The following FAM117A variants were observed in gnomAD, a reference collection of about 807,000 sequenced individuals.
FAM117A encodes protein FAM117A.
FAM117A carries 21 observed loss-of-function variants against 44.1 expected under a neutral mutation model. The observed-to-expected ratio is 0.48, with a 90% CI of 0.34 to 0.69. The LOEUF (loss-of-function observed/expected upper bound fraction) is 0.69, where lower values mean the gene tolerates loss of function less well. Among genes scored for constraint, FAM117A ranks in the 30% least tolerant of loss-of-function variants. The probability of loss-of-function intolerance (pLI) is 0.01; values close to 1 mark genes in which losing one functional copy is unlikely to be tolerated. For missense variants in FAM117A, 498 were observed against 589.9 expected (o/e 0.84, Z 1.61); for synonymous variants, 220 against 238.3 (o/e 0.92, Z 0.71).
intron 1 of FAM117A, among the ~76,000 whole-genome samples, chr17:49,753,659 TA>T (rs2073686029): frequency 6.6e-6 from 1 of 151,860 alleles, no homozygotes; most frequent in Non-Finnish European, 1.5e-5. Context: ...CTATCACAAA[TA>T]AAAAAATTAG....
intron 3 of FAM117A, among the ~76,000 whole-genome samples, chr17:49,722,252 G>A (rs1033344303): frequency 3.9e-5 from 6 of 152,206 alleles, no homozygotes; most frequent in African/African-American, 1.2e-4. Context: ...CCAGCCCTGT[G>A]CTTGCTGCTG....
At chr17:49,771,787 A>G (rs2073761626) in intron 1 of FAM117A, among the ~76,000 whole-genome samples, 1 of 152,172 alleles carries the variant, frequency 6.6e-6, no homozygotes, top group Admixed American at 6.5e-5. Context: ...CATTCCCAGG[A>G]GACTGTGTAT....
intron 1 of FAM117A, among the ~76,000 whole-genome samples, chr17:49,787,369 T>C (rs150870310): frequency 2.6e-5 from 4 of 152,342 alleles, no homozygotes; most frequent in African/African-American, 9.6e-5. Context: ...TCAAAGGTAT[T>C]TATACTAAGC....
At chr17:49,787,216 G>A (rs75077123) in intron 1 of FAM117A, among the ~76,000 whole-genome samples, 1 of 152,180 alleles carries the variant, frequency 6.6e-6, no homozygotes, top group Non-Finnish European at 1.5e-5. Flanking sequence ...GAACATATCC[G>A]TGAGTGCAAA....
At chr17:49,788,972 C>G, upstream of FAM117A, 1 of 907,128 alleles carries the variant, frequency 1.1e-6, no homozygotes, top group Non-Finnish European at 1.6e-6. Context: ...CCTTGTTCAG[C>G]TACCCTCTCT....
At chr17:49,727,181 A>G (rs1567828375) in intron 2 of FAM117A, among the ~76,000 whole-genome samples, 3 of 151,870 alleles carry the variant, frequency 2.0e-5, no homozygotes, top group South Asian at 4.2e-4. Context: ...TGGGCAGATC[A>G]GATCACTTGA....
chr17:49,758,621 CAAAAAAAA>C (rs1182238605), intron 1 of FAM117A, among the ~76,000 whole-genome samples: 16 of 93,860 alleles, frequency 1.7e-4, no homozygotes, highest in African/African-American at 7.9e-4. Context: ...GAGACTGTCT[CAAAAAAAA>C]AAAAAAATAA....
intron 1 of FAM117A, among the ~76,000 whole-genome samples, chr17:49,754,315 T>C (rs1317001978): frequency 1.3e-5 from 2 of 151,840 alleles, no homozygotes; most frequent in Non-Finnish European, 1.5e-5. Flanking sequence ...ACTCTTTTTT[T>C]TTTTTTCGAG....
rs560266104 is a variant in FAM117A at position 49,760,723 on chromosome 17, A to T, written c.196+3169T>A. Among the ~76,000 whole-genome samples the T allele has an allele frequency of 2.0e-5, 3 of 152,362 alleles. No homozygotes were observed. The South Asian group carries it at 6.2e-4, about 32-fold the overall frequency. On this transcript the variant is annotated intron_variant, in intron 1 of 7. Coordinates refer to ENST00000240364, the MANE Select transcript of FAM117A (RefSeq NM_030802.4). ...ACAGACACGCTAAACAAGATAGGTAAGACTGGAACCCAGAACAATTCACCT... is the reference window on the plus strand; with the variant it reads ...ACAGACACGCTAAACAAGATAGGTATGACTGGAACCCAGAACAATTCACCT...
chr17:49,769,125 G>A (rs949820794), upstream of FAM117A, among the ~76,000 whole-genome samples: 3 of 151,736 alleles, frequency 2.0e-5, no homozygotes, highest in Non-Finnish European at 4.4e-5. Context: ...GTGAAACCCC[G>A]TCTCTACTAA....
intron 1 of FAM117A, among the ~76,000 whole-genome samples, chr17:49,746,584 G>T (rs1262038598): frequency 1.3e-5 from 2 of 152,198 alleles, no homozygotes; most frequent in Non-Finnish European, 2.9e-5. Context: ...GTCATCCCAG[G>T]AGCAAGACCA....
intron 1 of FAM117A, among the ~76,000 whole-genome samples, chr17:49,747,963 G>A (rs551251627): frequency 6.6e-6 from 1 of 152,170 alleles, no homozygotes; most frequent in Non-Finnish European, 1.5e-5. Flanking sequence ...CTTCCAGAAA[G>A]AGTGTTGAAG....
chr17:49,712,145 CAAAAA>C (rs955684128), intron 7 of FAM117A, among the ~76,000 whole-genome samples: 17 of 152,108 alleles, frequency 1.1e-4, no homozygotes, highest in African/African-American at 4.1e-4. Flanking sequence ...GACTCCATCT[CAAAAA>C]GAAAAGAAAA....
At chr17:49,713,716 C>T (rs2073488761) in intron 7 of FAM117A, among the ~76,000 whole-genome samples, 1 of 152,024 alleles carries the variant, frequency 6.6e-6, no homozygotes, top group Admixed American at 6.6e-5. Flanking sequence ...CCTATGTTGC[C>T]CAGGCTGGTC....
chr17:49,755,013 G>A (rs1003849566), intron 1 of FAM117A, among the ~76,000 whole-genome samples: 1 of 147,908 alleles, frequency 6.8e-6, no homozygotes, highest in Non-Finnish European at 1.5e-5. Context: ...ACTCCAGCCT[G>A]GGCAACAAAA....
At chr17:49,714,067 C>T (rs1487519415) in intron 7 of FAM117A, among the ~76,000 whole-genome samples, 3 of 152,048 alleles carry the variant, frequency 2.0e-5, no homozygotes, top group African/African-American at 4.8e-5. Flanking sequence ...TGTGCATGTA[C>T]GTGTTGGGAA....
intron 7 of FAM117A, among the ~76,000 whole-genome samples, chr17:49,715,806 A>G (rs114472042): frequency 1.3e-5 from 2 of 152,010 alleles, no homozygotes; most frequent in East Asian, 3.9e-4. Context: ...CACACCCCCC[A>G]TCTCTCGCTC....
At chr17:49,733,365 CA>C (rs2073594615) in intron 1 of FAM117A, among the ~76,000 whole-genome samples, 1 of 152,104 alleles carries the variant, frequency 6.6e-6, no homozygotes, top group Admixed American at 6.6e-5. Context: ...CTAAATGGGA[CA>C]AAAATAAAGC....
At chr17:49,762,293 T>A (rs2073725229) in intron 1 of FAM117A, among the ~76,000 whole-genome samples, 1 of 152,238 alleles carries the variant, frequency 6.6e-6, no homozygotes, top group African/African-American at 2.4e-5. Flanking sequence ...TCCCGGGGTT[T>A]CAAGGAAGCC....
Sources: allele counts gnomAD v4.1 joint callset (sites outside exome capture counted in the v4.1 genomes callset), GRCh38; gene constraint gnomAD v4.1.1; transcripts MANE v1.5; gene names NCBI Gene and HGNC (gene_info 2026-07-23, HGNC 2026-07-21).